The following EYS variants were observed in gnomAD, a reference collection of about 807,000 sequenced individuals.
EYS encodes the protein protein eyes shut homolog.
A neutral mutation model predicts 282.1 loss-of-function variants in EYS; 250 were observed. The ratio of observed to expected loss-of-function variants is 0.89; its 90% CI spans 0.80 to 0.98. EYS has a LOEUF of 0.98. Among genes scored for constraint, EYS ranks in the 50% least tolerant of loss-of-function variants. EYS has a pLI of 0.00. For missense variants in EYS, 4,016 were observed against 3,709.0 expected, an observed-to-expected ratio of 1.08 and a Z score of -2.15; for synonymous variants, 1,355 against 1,282.9, an observed-to-expected ratio of 1.06 and a Z score of -1.20.
chr6:64,821,762 G>T, intron 20 of EYS, 39 bp from the exon 21 acceptor site: 1 of 1,188,762 alleles, frequency 8.4e-7, no homozygotes. Context: ...CAAATAAGTA[G>T]ATGTTAAAGC....
intron 35 of EYS, among the ~76,000 whole-genome samples, chr6:63,980,003 G>A (rs1049840310): frequency 4.0e-5 from 6 of 151,840 alleles, no homozygotes; most frequent in African/African-American, 1.4e-4. Flanking sequence ...TGTAGGAACA[G>A]CACTTTACAG....
chr6:65,399,806 T>C lies in EYS; in HGVS notation c.1184+2672A>G, dbSNP rs1347259515. On this transcript the variant is annotated intron_variant, in intron 7 of 42. Coordinates refer to ENST00000503581, the MANE Select transcript of EYS (RefSeq NM_001142800.2). Reference sequence around the variant, plus strand: ...GTTAAACTGTCTATAGGTAGTTCTTTCTTCATAAACAATTTGATCATTGTT... The same window carrying C: ...GTTAAACTGTCTATAGGTAGTTCTTCCTTCATAAACAATTTGATCATTGTT... 9.9e-5 allele frequency among the ~76,000 whole-genome samples: 15 copies of C among 152,192 alleles called. No homozygotes were observed. The South Asian group carries it at 2.9e-3, about 29-fold the overall frequency.
intron 12 of EYS, among the ~76,000 whole-genome samples, chr6:65,255,257 C>T (rs952063038): frequency 6.6e-6 from 1 of 151,760 alleles, no homozygotes; most frequent in African/African-American, 2.4e-5. Context: ...AACAAAGATG[C>T]CAAAAATATA....
chr6:64,232,583 G>A (rs1766457941), intron 30 of EYS, among the ~76,000 whole-genome samples: 1 of 152,132 alleles, frequency 6.6e-6, no homozygotes, highest in East Asian at 1.9e-4. Flanking sequence ...TATAGACGGG[G>A]TTTCCCCATG....
chr6:65,526,429 A>G (rs1018433153), intron 2 of EYS, among the ~76,000 whole-genome samples: 1 of 152,170 alleles, frequency 6.6e-6, no homozygotes, highest in African/African-American at 2.4e-5. Context: ...ATCTCTCATC[A>G]CCAAGCATAA....
intron 2 of EYS, among the ~76,000 whole-genome samples, chr6:65,558,771 A>G (rs1768916789): frequency 6.6e-6 from 1 of 152,224 alleles, no homozygotes; most frequent in Non-Finnish European, 1.5e-5. Context: ...CTGCAAATGC[A>G]TCAGCCTGGC....
intron 35 of EYS, among the ~76,000 whole-genome samples, chr6:63,877,701 T>A (rs1773014164): frequency 6.6e-6 from 1 of 152,188 alleles, no homozygotes; most frequent in Non-Finnish European, 1.5e-5. Context: ...CTTCTCTTCT[T>A]GCTTCATTTC....
At chr6:63,851,516 A>C (rs1332920471) in intron 36 of EYS, among the ~76,000 whole-genome samples, 1 of 152,138 alleles carries the variant, frequency 6.6e-6, no homozygotes, top group Non-Finnish European at 1.5e-5. Flanking sequence ...GGATTAAGAA[A>C]CTCACTCAGA....
At chr6:64,728,168 C>T (rs949480468) in intron 22 of EYS, among the ~76,000 whole-genome samples, 1 of 152,020 alleles carries the variant, frequency 6.6e-6, no homozygotes, top group Non-Finnish European at 1.5e-5. Context: ...AAACTTTGTG[C>T]GGACCCTGTG....
chr6:63,939,627 T>G (rs2149757032), intron 35 of EYS, among the ~76,000 whole-genome samples: 1 of 152,272 alleles, frequency 6.6e-6, no homozygotes, highest in Admixed American at 6.5e-5. Flanking sequence ...ATGGATTTTC[T>G]TCAATAAATA....
At chr6:64,126,360 A>T (rs190744900) in intron 31 of EYS, among the ~76,000 whole-genome samples, 1 of 116,850 alleles carries the variant, frequency 8.6e-6, no homozygotes, top group East Asian at 3.0e-4. Context: ...TACACCATGG[A>T]ATACAATGCA....
intron 29 of EYS, among the ~76,000 whole-genome samples, chr6:64,319,596 G>T (rs1770125971): frequency 6.6e-6 from 1 of 151,546 alleles, no homozygotes; most frequent in Non-Finnish European, 1.5e-5. Flanking sequence ...ATTAAATTAG[G>T]CTAAACCTTT....
At chr6:65,557,214 G>T (rs537169136) in intron 2 of EYS, among the ~76,000 whole-genome samples, 1 of 152,092 alleles carries the variant, frequency 6.6e-6, no homozygotes, top group Non-Finnish European at 1.5e-5. Context: ...GGCTTGCTCC[G>T]CCCACCCAGC....
rs966995506 is a variant in EYS, at chr6:64,130,863, GATTT to G, written c.6425-48865_6425-48862del. Among the ~76,000 whole-genome samples, 4 of 152,050 alleles carry G rather than the reference GATTT, an allele frequency of 2.6e-5. No homozygotes were observed. The South Asian group carries it at 6.2e-4, about 24-fold the overall frequency. On this transcript the variant is annotated intron_variant, in intron 31 of 42. Transcript: ENST00000503581. ...TGGAGGCTGTGGCGGTGAACAGTGT[GATTT>G]ATTTATTTATTTATTTTTGAGAAGG...
intron 33 of EYS, among the ~76,000 whole-genome samples, chr6:64,034,733 G>GAGTT (rs1344833209): frequency 2.0e-5 from 3 of 152,092 alleles, no homozygotes; most frequent in African/African-American, 7.2e-5. Flanking sequence ...AAAGGAAGCA[G>GAGTT]AGTTATTAGG....
intron 18 of EYS, among the ~76,000 whole-genome samples, chr6:64,895,268 T>A (rs934123888): frequency 6.6e-6 from 1 of 152,212 alleles, no homozygotes; most frequent in Non-Finnish European, 1.5e-5. Context: ...TAAACAGAGC[T>A]CCTGGTACCT....
intron 41 of EYS, among the ~76,000 whole-genome samples, chr6:63,751,910 C>G (rs1433911571): frequency 6.6e-6 from 1 of 152,170 alleles, no homozygotes; most frequent in Non-Finnish European, 1.5e-5. Context: ...TCTTTGGAAA[C>G]CCATCAGGAT....
intron 12 of EYS, among the ~76,000 whole-genome samples, chr6:65,069,538 G>T (rs17495347): frequency 0.19 from 28,699 of 151,674 alleles, 3,258 homozygotes; most frequent in South Asian, 0.25. Flanking sequence ...TCTCTTAAGT[G>T]CACTCCTCTC....
At chr6:64,571,379 G>A (rs1436177925) in intron 26 of EYS, among the ~76,000 whole-genome samples, 1 of 152,018 alleles carries the variant, frequency 6.6e-6, no homozygotes, top group Non-Finnish European at 1.5e-5. Context: ...TAGAAAGTAA[G>A]AGCAAACAAA....
Sources: gnomAD v4.1 joint callset for allele counts (sites outside exome capture counted in the v4.1 genomes callset) on GRCh38, gnomAD v4.1.1 for gene constraint, MANE v1.5 for transcripts, NCBI Gene and HGNC (gene_info 2026-07-23, HGNC 2026-07-21) for gene names.